NKAIN3: variants seen among roughly 807,000 people sequenced by gnomAD.
The protein encoded by NKAIN3 is sodium/potassium-transporting ATPase subunit beta-1-interacting protein 3.
A neutral mutation model predicts 30.2 loss-of-function variants in NKAIN3; 25 were observed. The ratio of observed to expected loss-of-function variants is 0.83; its 90% CI spans 0.60 to 1.16. NKAIN3 has a LOEUF of 1.16. Among genes scored for constraint, NKAIN3 ranks in the 50% most tolerant of loss-of-function variants. NKAIN3 has a pLI of 0.00. For synonymous variants in NKAIN3, 91 were observed against 89.6 expected (o/e 1.02, Z -0.09); for missense variants, 225 against 254.1 (o/e 0.89, Z 0.78).
chr8:62,945,710 A>G (rs1245321675), intron 5 of NKAIN3, among the ~76,000 whole-genome samples: 1 of 152,146 alleles, frequency 6.6e-6, no homozygotes, highest in African/African-American at 2.4e-5. Flanking sequence ...CACCTTCTCC[A>G]GTTTGAAGAC....
At chr8:62,959,269 C>T (rs1003427857) in intron 6 of NKAIN3, among the ~76,000 whole-genome samples, 2 of 152,142 alleles carry the variant, frequency 1.3e-5, no homozygotes, top group Non-Finnish European at 2.9e-5. Context: ...ACAGGAAACC[C>T]ACCTCTGATG....
At chr8:62,378,509 G>A (rs1817168468) in intron 1 of NKAIN3, among the ~76,000 whole-genome samples, 1 of 152,198 alleles carries the variant, frequency 6.6e-6, no homozygotes, top group Non-Finnish European at 1.5e-5. Context: ...GCCTAGGAGG[G>A]AAAAATGATT....
At chr8:62,550,670 A>C (rs79863846) in intron 1 of NKAIN3, among the ~76,000 whole-genome samples, 1 of 152,208 alleles carries the variant, frequency 6.6e-6, no homozygotes, top group Admixed American at 6.5e-5. Flanking sequence ...TTTGCATGCA[A>C]ATAAAAAGCC....
intron 3 of NKAIN3, among the ~76,000 whole-genome samples, chr8:62,737,939 A>G (rs1815730533): frequency 6.6e-6 from 1 of 152,094 alleles, no homozygotes; most frequent in South Asian, 2.1e-4. Context: ...GGTTGGTTCC[A>G]AGTCTTTGCT....
intron 1 of NKAIN3, among the ~76,000 whole-genome samples, chr8:62,348,629 C>A (rs750965050): frequency 3.3e-4 from 50 of 152,084 alleles, no homozygotes; most frequent in Non-Finnish European, 6.6e-4. Flanking sequence ...CAGAAGCTCT[C>A]CACTGAGCAG....
intron 1 of NKAIN3, among the ~76,000 whole-genome samples, chr8:62,522,212 G>T (rs141093781): frequency 3.3e-4 from 50 of 152,188 alleles, no homozygotes; most frequent in African/African-American, 1.2e-3. Flanking sequence ...GGTCCTATAA[G>T]ATTATAATGG....
At chr8:62,490,900 A>G (rs1367870154) in intron 1 of NKAIN3, among the ~76,000 whole-genome samples, 1 of 152,198 alleles carries the variant, frequency 6.6e-6, no homozygotes, top group East Asian at 1.9e-4. Context: ...AAATAATAAT[A>G]GTTCTCCAAA....
intron 3 of NKAIN3, among the ~76,000 whole-genome samples, chr8:62,619,654 A>G (rs1259589709): frequency 1.3e-5 from 2 of 151,314 alleles, no homozygotes; most frequent in Non-Finnish European, 2.9e-5. Flanking sequence ...GTCACAGGCC[A>G]TGGTCACTGA....
At position 62,982,442 on chromosome 8, in the gene NKAIN3, G is replaced by C. The variant is rs1308372127; in HGVS notation, c.*17035G>C. 6.6e-6 allele frequency: 1 copy of C among 152,146 alleles called. No homozygotes were observed. Among genetic ancestry groups the C allele is most frequent in the African/African-American group, 2.4e-5 (1 of 41,428 alleles). 9.4% of individuals were successfully genotyped at this position (152,146 alleles called of 1,614,324 possible). A position where few individuals can be genotyped will look rare whatever the true frequency, so the allele number is the denominator to read the frequency against. The stretch of plus-strand genomic sequence containing the variant: ...GTGGCCCCGCAGTCATTATGGTCTT[G>C]TTAAATAATTAGATTTGTGTAAACT... On this transcript the variant is annotated 3_prime_UTR_variant, in exon 7 of 7. Transcript: ENST00000623646.
At chr8:62,488,363 C>G (rs1806966011) in intron 1 of NKAIN3, among the ~76,000 whole-genome samples, 1 of 152,178 alleles carries the variant, frequency 6.6e-6, no homozygotes, top group Non-Finnish European at 1.5e-5. Context: ...CATCAAGGAT[C>G]TCCATGACTT....
At chr8:62,291,723 G>A (rs532092557) in intron 1 of NKAIN3, among the ~76,000 whole-genome samples, 4 of 152,300 alleles carry the variant, frequency 2.6e-5, no homozygotes, top group African/African-American at 9.6e-5. Flanking sequence ...GTTGATTTGG[G>A]GTGGAGAGTT....
In NKAIN3 at chr8:62,971,067, C is replaced by T. The variant is rs1341978897; in HGVS notation, c.*5660C>T. On this transcript the variant is annotated 3_prime_UTR_variant, in exon 7 of 7. Coordinates refer to ENST00000623646, the MANE Select transcript of NKAIN3 (RefSeq NM_001304533.3). ...ATTTCCCTAGAGACAAGGACCGAGACTCCTCTCATTGCTTCATCCTCTGTG... is the reference window on the plus strand; with the variant it reads ...ATTTCCCTAGAGACAAGGACCGAGATTCCTCTCATTGCTTCATCCTCTGTG... Among the ~76,000 whole-genome samples the T allele has an allele frequency of 1.4e-5, 1 of 73,912 alleles. No individual in the cohort carries two copies. The highest frequency in any genetic ancestry group is 6.3e-5 in the African/African-American group (1 of 15,998). 48.5% of individuals were successfully genotyped at this position (73,912 alleles called of 152,430 possible).
chr8:62,275,354 A>G (rs1010180132), intron 1 of NKAIN3, among the ~76,000 whole-genome samples: 2 of 152,172 alleles, frequency 1.3e-5, no homozygotes, highest in African/African-American at 2.4e-5. Flanking sequence ...AGTGATGATG[A>G]GCATTTCTTG....
At chr8:62,537,023 T>C (rs1808686406) in intron 1 of NKAIN3, among the ~76,000 whole-genome samples, 1 of 152,062 alleles carries the variant, frequency 6.6e-6, no homozygotes, top group African/African-American at 2.4e-5. Context: ...CACTGAAATG[T>C]TGGATTTTTG....
chr8:62,578,611 G>A (rs912832777), intron 1 of NKAIN3, among the ~76,000 whole-genome samples: 5 of 151,904 alleles, frequency 3.3e-5, no homozygotes, highest in South Asian at 2.1e-4. Context: ...TTTGGCTAAC[G>A]TATATTTCAC....
At chr8:62,287,492 A>G (rs1219083746) in intron 1 of NKAIN3, among the ~76,000 whole-genome samples, 1 of 152,018 alleles carries the variant, frequency 6.6e-6, no homozygotes, top group African/African-American at 2.4e-5. Context: ...TTTGAGGCTT[A>G]TTTATATAGT....
chr8:62,287,628 C>T (rs905906264), intron 1 of NKAIN3, among the ~76,000 whole-genome samples: 4 of 151,978 alleles, frequency 2.6e-5, no homozygotes, highest in East Asian at 1.9e-4. Flanking sequence ...CACCTCTGTT[C>T]GGTTAGAAAA....
intron 4 of NKAIN3, among the ~76,000 whole-genome samples, chr8:62,900,505 G>T (rs567210823): frequency 1.3e-5 from 2 of 152,140 alleles, no homozygotes; most frequent in East Asian, 3.9e-4. Context: ...AAGCCAGAGT[G>T]TCCCTACCTA....
chr8:62,358,239 C>CTTTTTTTTTT (rs34616447), intron 1 of NKAIN3, among the ~76,000 whole-genome samples: 1 of 121,918 alleles, frequency 8.2e-6, no homozygotes, highest in Non-Finnish European at 1.7e-5. Flanking sequence ...GATCTTATAC[C>CTTTTTTTTTT]TTTTTTTTTT....
Sources: allele counts gnomAD v4.1 joint callset (sites outside exome capture counted in the v4.1 genomes callset), GRCh38; gene constraint gnomAD v4.1.1; transcripts MANE v1.5; gene names NCBI Gene and HGNC (gene_info 2026-07-23, HGNC 2026-07-21).